Variants in PAPSS1 observed in about 807,000 individuals in gnomAD.
PAPSS1 encodes the protein 3'-phosphoadenosine 5'-phosphosulfate synthase 1.
A neutral mutation model predicts 72.0 loss-of-function variants in PAPSS1; 50 were observed. That is an observed-to-expected ratio of 0.69 (90% CI 0.55 to 0.88). PAPSS1 has a LOEUF of 0.88. PAPSS1 is among the 40% of genes least tolerant of loss of function. PAPSS1 has a pLI of 0.00. For missense variants in PAPSS1, 657 were observed against 782.2 expected (o/e 0.84, Z 1.91); for synonymous variants, 261 against 263.6 (o/e 0.99, Z 0.09).
intron 1 of PAPSS1, among the ~76,000 whole-genome samples, 177 bp from the exon 2 acceptor site, chr4:107,701,462 C>A (rs895000460): frequency 6.6e-6 from 1 of 151,944 alleles, no homozygotes; most frequent in Non-Finnish European, 1.5e-5. Context: ...CACATGCCAA[C>A]TGATTTAATC....
intron 4 of PAPSS1, among the ~76,000 whole-genome samples, chr4:107,684,655 G>GACAAACTCA (rs1230857113): frequency 6.6e-6 from 1 of 152,058 alleles, no homozygotes; most frequent in Non-Finnish European, 1.5e-5. Context: ...CAGTTCTTCA[G>GACAAACTCA]ACAAACTCAA....
intron 3 of PAPSS1, 87 bp from the exon 4 acceptor site, chr4:107,687,264 CCAA>C: frequency 1.0e-6 from 1 of 964,182 alleles, no homozygotes; most frequent in Non-Finnish European, 1.4e-6. Context: ...TGCTTCTCAT[CCAA>C]TTTAGTGGGA....
At chr4:107,674,687 T>C (rs1727588297) in intron 5 of PAPSS1, among the ~76,000 whole-genome samples, 1 of 152,072 alleles carries the variant, frequency 6.6e-6, no homozygotes, top group African/African-American at 2.4e-5. Flanking sequence ...GCAGACCTAA[T>C]AGACATCTAC....
intron 2 of PAPSS1, among the ~76,000 whole-genome samples, chr4:107,697,891 C>T (rs1369989375): frequency 6.6e-6 from 1 of 152,104 alleles, no homozygotes; most frequent in Non-Finnish European, 1.5e-5. Flanking sequence ...AGCTGGTGTT[C>T]TTACAAGGCT....
At chr4:107,693,676 T>C (rs1722998458) in intron 3 of PAPSS1, 95 bp downstream of exon 3, 1 of 832,690 alleles carries the variant, frequency 1.2e-6, no homozygotes, top group Middle Eastern at 3.0e-4. Context: ...AGAGTTAGCC[T>C]CAAAGCACAT....
chr4:107,707,034 G>A (rs574855140), intron 1 of PAPSS1, among the ~76,000 whole-genome samples: 56 of 152,342 alleles, frequency 3.7e-4, no homozygotes, highest in African/African-American at 1.2e-3. Context: ...TGGGTCCACA[G>A]AAATGGTCTT....
At chr4:107,695,500 C>G (rs1193369226) in intron 2 of PAPSS1, among the ~76,000 whole-genome samples, 1 of 152,048 alleles carries the variant, frequency 6.6e-6, no homozygotes, top group African/African-American at 2.4e-5. Context: ...CTTGCCTGAT[C>G]GCCCTGGCCA....
chr4:107,694,675 CAT>C (rs1455871111), intron 2 of PAPSS1, among the ~76,000 whole-genome samples: 1 of 152,150 alleles, frequency 6.6e-6, no homozygotes. Flanking sequence ...TTTCCTAGAT[CAT>C]CAGCACTCAC....
chr4:107,661,051 T>G (rs1023608415), intron 5 of PAPSS1, among the ~76,000 whole-genome samples: 2 of 152,136 alleles, frequency 1.3e-5, no homozygotes, highest in Admixed American at 6.5e-5. Context: ...GCAAAAGACC[T>G]GAATAGACAT....
At chr4:107,617,738 G>C (rs1447109396) in intron 11 of PAPSS1, among the ~76,000 whole-genome samples, 1 of 152,126 alleles carries the variant, frequency 6.6e-6, no homozygotes, top group Non-Finnish European at 1.5e-5. Flanking sequence ...GGATAAAAAG[G>C]AAAGATTAAC....
At chr4:107,674,062 AG>A (rs1727572117) in intron 5 of PAPSS1, among the ~76,000 whole-genome samples, 1 of 152,258 alleles carries the variant, frequency 6.6e-6, no homozygotes, top group Non-Finnish European at 1.5e-5. Flanking sequence ...AAACATAGAA[AG>A]GAACAACCGG....
At chr4:107,632,080 T>C (rs56363325) in intron 10 of PAPSS1, among the ~76,000 whole-genome samples, 139 of 152,218 alleles carry the variant, frequency 9.1e-4, no homozygotes, top group Non-Finnish European at 1.4e-3. Flanking sequence ...CAAATATTTA[T>C]GGATATATAT....
At chr4:107,633,039 A>G (rs914774228) in intron 10 of PAPSS1, among the ~76,000 whole-genome samples, 1 of 152,174 alleles carries the variant, frequency 6.6e-6, no homozygotes, top group African/African-American at 2.4e-5. Flanking sequence ...AGGGGTTTCA[A>G]CTTTTTAAGT....
chr4:107,633,851 G>A (rs530577140), intron 10 of PAPSS1, among the ~76,000 whole-genome samples: 2 of 151,078 alleles, frequency 1.3e-5, no homozygotes, highest in African/African-American at 4.9e-5. Context: ...CCCGGGAGGC[G>A]GAGCTTGCAG....
chr4:107,712,878 G>A (rs114407681), intron 1 of PAPSS1, among the ~76,000 whole-genome samples: 98 of 140,118 alleles, frequency 7.0e-4, no homozygotes, highest in Non-Finnish European at 8.2e-4. Flanking sequence ...TCTCGGGAAA[G>A]AAAAAAAAAA....
chr4:107,674,948 A>G (rs895449254), intron 5 of PAPSS1, among the ~76,000 whole-genome samples: 12 of 152,252 alleles, frequency 7.9e-5, no homozygotes, highest in African/African-American at 2.4e-4. Context: ...GTACATAATG[A>G]AATGAAGGCA....
intron 7 of PAPSS1, 89 bp from the exon 8 acceptor site, chr4:107,654,989 T>A: frequency 2.2e-6 from 2 of 903,100 alleles, no homozygotes; most frequent in Admixed American, 4.7e-5. Flanking sequence ...GGGGACACTT[T>A]TCAAATAATA....
intron 2 of PAPSS1, among the ~76,000 whole-genome samples, chr4:107,695,458 T>C (rs528914146): frequency 1.3e-5 from 2 of 152,258 alleles, no homozygotes; most frequent in South Asian, 4.1e-4. Flanking sequence ...TGACTTCCTT[T>C]CTTTCTATTT....
intron 1 of PAPSS1, among the ~76,000 whole-genome samples, chr4:107,719,097 G>A (rs921123784): frequency 6.6e-6 from 1 of 151,958 alleles, no homozygotes; most frequent in African/African-American, 2.4e-5. Context: ...TAAATAAAAG[G>A]AGAGAGGAAT....
Sources: gnomAD v4.1 joint callset for allele counts (sites outside exome capture counted in the v4.1 genomes callset) on GRCh38, gnomAD v4.1.1 for gene constraint, MANE v1.5 for transcripts, NCBI Gene and HGNC (gene_info 2026-07-23, HGNC 2026-07-21) for gene names.